DPP10: variants seen among roughly 807,000 people sequenced by gnomAD.
DPP10 encodes dipeptidyl peptidase like 10.
In DPP10, 33 loss-of-function variants were observed where a neutral mutation model predicts 120.9. The ratio of observed to expected loss-of-function variants is 0.27; its 90% CI spans 0.21 to 0.37. DPP10 has a LOEUF of 0.37. Ranked by LOEUF, DPP10 falls within the 10% of genes least tolerant of loss-of-function variation. The probability of loss-of-function intolerance (pLI) is 1.00; values close to 1 mark genes in which losing one functional copy is unlikely to be tolerated. For synonymous variants in DPP10, 337 were observed against 326.1 expected, an observed-to-expected ratio of 1.03 and a Z score of -0.36; for missense variants, 816 against 942.8, an observed-to-expected ratio of 0.87 and a Z score of 1.76.
chr2:115,178,686 G>A (rs1316478254), intron 1 of DPP10, among the ~76,000 whole-genome samples: 1 of 152,108 alleles, frequency 6.6e-6, no homozygotes, highest in East Asian at 1.9e-4. Context: ...CTCCCAATTA[G>A]CAAAACTGGA....
In DPP10 at chr2:115,791,169, T is replaced by TG. The variant is rs770190640; in HGVS notation, c.1621dup (p.Asp541GlyfsTer4). On this transcript the variant is annotated frameshift_variant, in exon 18 of 26. Transcript: ENST00000410059. LOFTEE classifies it high-confidence loss of function. ...AGCCAGAAATTAAAATCCTTCATAT[T>TG]GACGACTATGGTAAAATTTTGTGCA... 1 of 1,613,292 alleles carries TG rather than the reference T, an allele frequency of 6.2e-7. No individual in the cohort carries two copies. Among genetic ancestry groups the TG allele is most frequent in the Non-Finnish European group, 8.5e-7 (1 of 1,179,602 alleles).
At position 115,044,194 on chromosome 2, in the gene DPP10, G is replaced by C. The variant is rs537596684; in HGVS notation, c.61-265045G>C. Reference sequence around the variant, plus strand: ...AATAAAAGAGCTGTAATTGACTCACGCTTCTGCAGGCTGTACAGGAAGCAT... The same window carrying C: ...AATAAAAGAGCTGTAATTGACTCACCCTTCTGCAGGCTGTACAGGAAGCAT... On this transcript the variant is annotated intron_variant, in intron 1 of 25. Transcript: ENST00000410059. Among the ~76,000 whole-genome samples the C allele has an allele frequency of 5.8e-4, 88 of 152,064 alleles. 1 individual carries two copies. Among genetic ancestry groups the C allele is most frequent in the African/African-American group, 1.5e-3 (63 of 41,490 alleles).
intron 1 of DPP10, among the ~76,000 whole-genome samples, chr2:114,661,793 C>CCTGT (rs1385707332): frequency 6.6e-6 from 1 of 152,194 alleles, no homozygotes; most frequent in East Asian, 1.9e-4. Flanking sequence ...TGAGAATGTG[C>CCTGT]ACAGTGATGG....
chr2:114,998,657 G>A (rs1194187223), intron 1 of DPP10, among the ~76,000 whole-genome samples: 1 of 152,114 alleles, frequency 6.6e-6, no homozygotes. Flanking sequence ...AATTTGGGCA[G>A]AATAAAGAGA....
chr2:115,510,664 A>G (rs549918007), intron 4 of DPP10, among the ~76,000 whole-genome samples: 1 of 152,236 alleles, frequency 6.6e-6, no homozygotes, highest in Non-Finnish European at 1.5e-5. Context: ...AACTCGTAAA[A>G]TTTGCAAACA....
chr2:115,486,699 A>G (rs1442678296), intron 3 of DPP10, among the ~76,000 whole-genome samples: 1 of 152,200 alleles, frequency 6.6e-6, no homozygotes, highest in African/African-American at 2.4e-5. Flanking sequence ...TATTCTGCAA[A>G]CAACCCTTCT....
At chr2:114,982,120 T>A (rs898912908) in intron 1 of DPP10, among the ~76,000 whole-genome samples, 5 of 152,058 alleles carry the variant, frequency 3.3e-5, no homozygotes, top group Non-Finnish European at 7.4e-5. Context: ...GGTCTCGAAC[T>A]CCTGACCTCA....
chr2:115,142,588 A>T (rs2050990044), intron 1 of DPP10, among the ~76,000 whole-genome samples: 1 of 152,202 alleles, frequency 6.6e-6, no homozygotes, highest in Admixed American at 6.5e-5. Flanking sequence ...ATCAGGGGTG[A>T]GTGTGGCAGG....
chr2:114,872,735 C>A (rs912832077), intron 1 of DPP10, among the ~76,000 whole-genome samples: 2 of 152,146 alleles, frequency 1.3e-5, no homozygotes, highest in Non-Finnish European at 2.9e-5. Context: ...ACAAGCTAAC[C>A]CTAGCCAAAA....
chr2:115,292,221 T>C (rs2105930900), intron 1 of DPP10, among the ~76,000 whole-genome samples: 1 of 152,250 alleles, frequency 6.6e-6, no homozygotes, highest in Non-Finnish European at 1.5e-5. Context: ...GTAACATCCT[T>C]ATAGTAGACT....
At chr2:115,672,921 G>A (rs2090017552) in intron 5 of DPP10, among the ~76,000 whole-genome samples, 1 of 151,636 alleles carries the variant, frequency 6.6e-6, no homozygotes, top group Admixed American at 6.6e-5. Flanking sequence ...TAAGTTTTTT[G>A]TATTTTTAGT....
chr2:115,333,201 C>A (rs965563119), intron 2 of DPP10, among the ~76,000 whole-genome samples: 1 of 152,014 alleles, frequency 6.6e-6, no homozygotes, highest in African/African-American at 2.4e-5. Flanking sequence ...CTCTTTTGAT[C>A]TTTGTTGGTT....
intron 3 of DPP10, among the ~76,000 whole-genome samples, chr2:115,464,042 G>T (rs1254368279): frequency 6.6e-6 from 1 of 151,972 alleles, no homozygotes; most frequent in East Asian, 1.9e-4. Context: ...GCTCATGATG[G>T]TGACATAGGC....
chr2:114,989,035 A>G (rs1700600349), intron 1 of DPP10, among the ~76,000 whole-genome samples: 1 of 152,238 alleles, frequency 6.6e-6, no homozygotes, highest in Non-Finnish European at 1.5e-5. Context: ...ACAACCATAT[A>G]TCATAAACTA....
chr2:115,536,746 G>A (rs1489652168), intron 5 of DPP10, among the ~76,000 whole-genome samples: 1 of 151,902 alleles, frequency 6.6e-6, no homozygotes, highest in Non-Finnish European at 1.5e-5. Flanking sequence ...TGATATGTTA[G>A]CAATTTCTGA....
At chr2:115,415,899 ATTTAT>A (rs1023408689) in intron 3 of DPP10, among the ~76,000 whole-genome samples, 7 of 145,478 alleles carry the variant, frequency 4.8e-5, no homozygotes, top group African/African-American at 1.5e-4. Flanking sequence ...ATACATTCAT[ATTTAT>A]TTTAATGGGC....
intron 1 of DPP10, among the ~76,000 whole-genome samples, chr2:115,249,007 G>A: frequency 6.6e-6 from 1 of 152,186 alleles, no homozygotes; most frequent in Admixed American, 6.5e-5. Context: ...TCTTATTGAA[G>A]TTTTGCTAGT....
At chr2:114,537,729 C>T (rs1304700027) in intron 1 of DPP10, among the ~76,000 whole-genome samples, 1 of 152,152 alleles carries the variant, frequency 6.6e-6, no homozygotes, top group Non-Finnish European at 1.5e-5. Flanking sequence ...CACCATTTCA[C>T]AAGTAAGCAT....
At chr2:115,829,341 C>A (rs1688691096) in intron 21 of DPP10, among the ~76,000 whole-genome samples, 1 of 152,082 alleles carries the variant, frequency 6.6e-6, no homozygotes, top group Admixed American at 6.6e-5. Flanking sequence ...AGTTCTCATT[C>A]ATTTCAGGGT....
Sources: allele counts gnomAD v4.1 joint callset (sites outside exome capture counted in the v4.1 genomes callset), GRCh38; gene constraint gnomAD v4.1.1; transcripts MANE v1.5; gene names NCBI Gene and HGNC (gene_info 2026-07-23, HGNC 2026-07-21).